Variants in STRN observed in about 807,000 individuals in gnomAD.
STRN encodes the protein striatin.
A neutral mutation model predicts 96.3 loss-of-function variants in STRN; 53 were observed. The observed-to-expected ratio is 0.55, with a 90% CI of 0.44 to 0.69. The LOEUF (loss-of-function observed/expected upper bound fraction) is 0.69, where lower values mean the gene tolerates loss of function less well. STRN is among the 30% of genes least tolerant of loss of function. The pLI is 0.00. For missense variants in STRN, 987 were observed against 963.9 expected (o/e 1.02, Z -0.32); for synonymous variants, 428 against 355.9 (o/e 1.20, Z -2.28).
At chr2:36,878,135 T>G in intron 9 of STRN, 108 bp from the exon 10 acceptor site, 5 of 1,143,868 alleles carry the variant, frequency 4.4e-6, no homozygotes, top group Non-Finnish European at 4.9e-6. Flanking sequence ...ACTTAATTGT[T>G]TTTAAATGCT....
intron 1 of STRN, among the ~76,000 whole-genome samples, chr2:36,963,621 G>A (rs937997663): frequency 1.3e-5 from 2 of 151,976 alleles, no homozygotes; most frequent in South Asian, 2.1e-4. Context: ...GTTTCTCTGT[G>A]GAAACTTTAA....
chr2:36,895,325 T>TA (rs763314498), intron 6 of STRN, among the ~76,000 whole-genome samples: 1,667 of 134,224 alleles, frequency 0.012, 22 homozygotes, highest in African/African-American at 0.033. Flanking sequence ...AGACTCCGTC[T>TA]AAAAAAAAAA....
intron 1 of STRN, among the ~76,000 whole-genome samples, chr2:36,945,395 T>C (rs1368212812): frequency 6.6e-6 from 1 of 152,276 alleles, no homozygotes; most frequent in Middle Eastern, 3.4e-3. Context: ...AGGTCAGGCA[T>C]GGTGGCTCGC....
At chr2:36,948,163 GT>G (rs1664648810) in intron 1 of STRN, among the ~76,000 whole-genome samples, 1 of 122,428 alleles carries the variant, frequency 8.2e-6, no homozygotes, top group African/African-American at 3.1e-5. Flanking sequence ...GTAAAGTGAT[GT>G]GATCTGGGCT....
At chr2:36,877,601 T>C (rs1303927271) in intron 10 of STRN, among the ~76,000 whole-genome samples, 1 of 152,232 alleles carries the variant, frequency 6.6e-6, no homozygotes, top group Non-Finnish European at 1.5e-5. Context: ...AGTGGTGCGA[T>C]GTTGGCTCAC....
chr2:36,957,742 G>GTTTTTTTTTTTTTTTTTTTTTTTTT lies in STRN; in HGVS notation c.234+8487_234+8488insAAAAAAAAAAAAAAAAAAAAAAAAA, dbSNP rs1158709835. ...GATTAGTCTCATAGTTCTTCTTTTT[G>GTTTTTTTTTTTTTTTTTTTTTTTTT]TCTTTTTTTTTTTTTTTTTTTTTTT... On this transcript the variant is annotated intron_variant, in intron 1 of 17. Coordinates refer to ENST00000263918, the MANE Select transcript of STRN (RefSeq NM_003162.4). Among the ~76,000 whole-genome samples the GTTTTTTTTTTTTTTTTTTTTTTTTT allele has an allele frequency of 5.8e-5, 6 of 103,134 alleles. 2 individuals are homozygous for GTTTTTTTTTTTTTTTTTTTTTTTTT. The highest frequency in any genetic ancestry group is 7.7e-5 in the Non-Finnish European group (4 of 51,676). The allele number at this position is 103,134 out of a possible 152,430, so 67.7% of individuals were successfully genotyped here. A position where few individuals can be genotyped will look rare whatever the true frequency, so the allele number is the denominator to read the frequency against.
At chr2:36,892,787 G>A (rs1322979286) in intron 7 of STRN, among the ~76,000 whole-genome samples, 2 of 152,096 alleles carry the variant, frequency 1.3e-5, no homozygotes, top group African/African-American at 2.4e-5. Flanking sequence ...TTGGAAGGCC[G>A]AGGCAGGCAG....
intron 1 of STRN, among the ~76,000 whole-genome samples, chr2:36,936,979 T>C (rs1197089120): frequency 1.3e-5 from 2 of 152,144 alleles, no homozygotes; most frequent in South Asian, 2.1e-4. Flanking sequence ...CAGGTCAATA[T>C]AGTAAAATAC....
chr2:36,917,794 TG>T (rs1327908786), intron 2 of STRN, among the ~76,000 whole-genome samples: 9 of 152,076 alleles, frequency 5.9e-5, no homozygotes, highest in Non-Finnish European at 7.4e-5. Flanking sequence ...CACGTATGTA[TG>T]AAATATTTTA....
intron 11 of STRN, 23 bp downstream of exon 11, chr2:36,869,531 A>C: frequency 1.4e-6 from 2 of 1,465,416 alleles, no homozygotes; most frequent in Non-Finnish European, 1.8e-6. Context: ...TATTCAAATA[A>C]TGTTAAAGTA....
rs536254294 is a variant in STRN, at chr2:36,910,745, T to C, written c.413-5127A>G. Among the ~76,000 whole-genome samples, 13 of 152,302 alleles carry C rather than the reference T, an allele frequency of 8.5e-5. No individual in the cohort carries two copies. In the South Asian group the frequency reaches 2.7e-3, roughly 32 times the overall value. On this transcript the variant is annotated intron_variant, in intron 3 of 17. Coordinates refer to ENST00000263918, the MANE Select transcript of STRN (RefSeq NM_003162.4). ...ATTAACCTAACCATATCAATAATCA[T>C]AAGTGCAAATGGTCTAAATTTCTCA...
Position 36,849,700 on chromosome 2 carries a change from G to C in STRN, c.2173+14C>G, listed in dbSNP as rs781078571. On this transcript the variant is annotated intron_variant, in intron 17 of 17. Transcript: ENST00000263918. Reference sequence around the variant, plus strand: ...GGTAAGGACAAATAAATAATCCATAGTTGAGGTACTTACTGCCAGACATCA... The same window carrying C: ...GGTAAGGACAAATAAATAATCCATACTTGAGGTACTTACTGCCAGACATCA... 5 of 1,613,964 alleles carry C rather than the reference G, an allele frequency of 3.1e-6. No individual in the cohort carries two copies. The African/African-American group carries it at 5.3e-5, about 17-fold the overall frequency.
chr2:36,916,009 A>G (rs1670088465), intron 3 of STRN, 69 bp downstream of exon 3: 2 of 1,349,304 alleles, frequency 1.5e-6, no homozygotes, highest in Non-Finnish European at 2.1e-6. Context: ...TTACAGTTGT[A>G]AATGCTGCTA....
At chr2:36,909,640 T>G (rs1669914350) in intron 3 of STRN, among the ~76,000 whole-genome samples, 1 of 151,290 alleles carries the variant, frequency 6.6e-6, no homozygotes, top group Non-Finnish European at 1.5e-5. Flanking sequence ...GGCTGAAAAG[T>G]GCCAAATTCC....
At chr2:36,874,561 TTAAA>T (rs1351874156) in intron 10 of STRN, among the ~76,000 whole-genome samples, 2 of 150,086 alleles carry the variant, frequency 1.3e-5, no homozygotes, top group South Asian at 4.2e-4. Context: ...TTCAAGAAAC[TTAAA>T]TAAAAAGGAA....
intron 9 of STRN, among the ~76,000 whole-genome samples, chr2:36,882,744 G>C (rs1264787158): frequency 2.6e-5 from 4 of 152,112 alleles, no homozygotes; most frequent in Non-Finnish European, 5.9e-5. Context: ...ACTCTAATCT[G>C]AGTGACAGAG....
rs543254196 is a variant in STRN at position 36,843,292 on chromosome 2, C to A, written c.*6164G>T. 6.6e-6 allele frequency among the ~76,000 whole-genome samples: 1 copy of A among 151,994 alleles called. No homozygotes were observed. Among genetic ancestry groups the A allele is most frequent in the Non-Finnish European group, 1.5e-5 (1 of 68,000 alleles). On this transcript the variant is annotated 3_prime_UTR_variant, in exon 18 of 18. Coordinates refer to ENST00000263918, the MANE Select transcript of STRN (RefSeq NM_003162.4). ...TTAAATTTCATATTGTATTGTGGATCCTGATTGGAACAAAAAGACTGTGAG... is the reference window on the plus strand; with the variant it reads ...TTAAATTTCATATTGTATTGTGGATACTGATTGGAACAAAAAGACTGTGAG...
intron 1 of STRN, among the ~76,000 whole-genome samples, chr2:36,927,882 A>G (rs1352265191): frequency 6.6e-6 from 1 of 152,222 alleles, no homozygotes; most frequent in Non-Finnish European, 1.5e-5. Context: ...GTATCCTTCA[A>G]ATATATATTT....
chr2:36,851,058 A>G lies in STRN; in HGVS notation c.2028T>C (p.Leu676=). The change falls in exon 16 of 18, where the codon CTT becomes CTC. Residue 676 remains leucine (L), a synonymous_variant. Transcript: ENST00000263918. The part of the protein sequence containing the change: ...QINRVISHPT[L]PISITAHEDR... ...CTTCATGAGCAGTGATGCTGATCGG[A>G]AGAGTAGGATGACTGATGACTCTAT... The G allele has an allele frequency of 6.2e-7, 1 of 1,613,898 alleles. No homozygotes were observed. The highest frequency in any genetic ancestry group is 1.1e-5 in the South Asian group (1 of 91,060).
Sources: allele counts gnomAD v4.1 joint callset (sites outside exome capture counted in the v4.1 genomes callset), GRCh38; gene constraint gnomAD v4.1.1; transcripts MANE v1.5; gene names NCBI Gene and HGNC (gene_info 2026-07-23, HGNC 2026-07-21).